The following ACAP3 variants were observed in gnomAD, a reference collection of about 807,000 sequenced individuals.
ACAP3 encodes arf-GAP with coiled-coil, ANK repeat and PH domain-containing protein 3.
A neutral mutation model predicts 104.1 loss-of-function variants in ACAP3; 56 were observed. The ratio of observed to expected loss-of-function variants is 0.54; its 90% CI spans 0.43 to 0.67. The LOEUF (loss-of-function observed/expected upper bound fraction) is 0.67, where lower values mean the gene tolerates loss of function less well. ACAP3 is among the 30% of genes least tolerant of loss of function. The probability of loss-of-function intolerance (pLI) is 0.00; values close to 1 mark genes in which losing one functional copy is unlikely to be tolerated. For synonymous variants in ACAP3, 628 were observed against 496.2 expected (o/e 1.27, Z -3.53); for missense variants, 1,208 against 1,174.9 (o/e 1.03, Z -0.41).
chr1:1,307,502 G>C (rs938198954), intron 1 of ACAP3: 3 of 1,223,382 alleles, frequency 2.5e-6, no homozygotes, highest in Non-Finnish European at 3.2e-6. Context: ...TGCAGACACA[G>C]AGCGGGGGCG....
In ACAP3 at chr1:1,307,798, C is replaced by T. The variant is rs1033365088; in HGVS notation, c.18G>A (p.Glu6=). 4 of 1,079,986 alleles carry T rather than the reference C, an allele frequency of 3.7e-6. No homozygotes were observed. The highest frequency in any genetic ancestry group is 4.5e-6 in the Non-Finnish European group (4 of 891,022). The allele number at this position is 1,079,986 out of a possible 1,614,324, so 66.9% of individuals were successfully genotyped here. ...AGCGCGGGGAGTCCTTGACGCACTC[C>T]TCGAACTCCACGGTCATGGCTGCGG... MTVEF[E]ECVKDSPRFR... Residue 6 remains glutamate, a synonymous_variant, in exon 1 of 24, where the codon GAG becomes GAA. Coordinates refer to ENST00000354700, the MANE Select transcript of ACAP3 (RefSeq NM_030649.3).
intron 22 of ACAP3, 43 bp downstream of exon 22, chr1:1,294,047 G>A (rs1180445494): frequency 6.6e-7 from 1 of 1,514,830 alleles, no homozygotes; most frequent in Non-Finnish European, 8.8e-7. Flanking sequence ...GCCGGGGTAG[G>A]CGTGGTCGGG....
intron 23 of ACAP3, 29 bp from the exon 24 acceptor site, chr1:1,293,737 C>CTGCCCTGGAGGCCCCGCCCA: frequency 6.9e-7 from 1 of 1,449,442 alleles, no homozygotes; most frequent in Non-Finnish European, 9.0e-7. Flanking sequence ...TGAGACGCCC[C>CTGCCCTGGAGGCCCCGCCCA]TGCCCTGGAG....
intron 17 of ACAP3, 22 bp from the exon 18 acceptor site, chr1:1,295,960 G>A: frequency 6.2e-7 from 1 of 1,612,642 alleles, no homozygotes; most frequent in African/African-American, 1.3e-5. Flanking sequence ...GGGAACATGA[G>A]GCTGTGCCCC....
rs766922639 is a variant in ACAP3 at position 1,293,842 on chromosome 1, T to G, written c.2341A>C (p.Asn781His). 3.3e-6 allele frequency: 5 copies of G among 1,512,932 alleles called. No individual in the cohort carries two copies. Among genetic ancestry groups the G allele is most frequent in the Non-Finnish European group, 4.4e-6 (5 of 1,132,750 alleles). The allele number at this position is 1,512,932 out of a possible 1,614,324, so 93.7% of individuals were successfully genotyped here. A position where few individuals can be genotyped will look rare whatever the true frequency, so the allele number is the denominator to read the frequency against. Reference sequence around the variant, plus strand: ...GCTCACAGTGTCACGATGTCAGCGTTGGCCGCCTGCACTGCGATGGCCAAC... The same window carrying G: ...GCTCACAGTGTCACGATGTCAGCGTGGGCCGCCTGCACTGCGATGGCCAAC... ...DPLAIAVQAA[N>H]ADIVTLLRLA... The change falls in exon 23 of 24, where the codon AAC (asparagine) becomes CAC (histidine). Residue 781 changes from asparagine (N) to histidine (H), a missense_variant. Asn to His is a moderately conservative substitution (Grantham distance 68, BLOSUM62 1). Transcript: ENST00000354700.
intron 1 of ACAP3, chr1:1,305,563 C>T (rs1641655083): frequency 1.3e-5 from 2 of 152,354 alleles, no homozygotes; most frequent in African/African-American, 4.8e-5. Flanking sequence ...CACGGACGTG[C>T]TCATGGGGAC....
chr1:1,294,852 G>A (rs1177750886), intron 19 of ACAP3, 36 bp from the exon 20 acceptor site: 5 of 1,545,370 alleles, frequency 3.2e-6, no homozygotes, highest in African/African-American at 1.4e-5. Context: ...CTGAGGGTGG[G>A]AGGCCCAGAC....
At position 1,303,988 on chromosome 1, in the gene ACAP3, G is replaced by C; in HGVS notation, c.105+98C>G. 1 of 1,401,250 alleles carries C rather than the reference G, an allele frequency of 7.1e-7. No individual in the cohort carries two copies. Among genetic ancestry groups the C allele is most frequent in the Non-Finnish European group, 9.8e-7 (1 of 1,019,530 alleles). 86.8% of individuals were successfully genotyped at this position (1,401,250 alleles called of 1,614,324 possible). The stretch of plus-strand genomic sequence containing the variant: ...GCACCACACGCATGCTCCACATATG[G>C]GGGGTGTAAGTGGCTTAGTAAGGCC... On this transcript the variant is annotated intron_variant, in intron 2 of 23. Transcript: ENST00000354700. This position sits in a 1 kb window ranked among gnomAD's most constrained non-coding sequence, Gnocchi z 4.0.
At chr1:1,294,028 C>A in intron 22 of ACAP3, 62 bp downstream of exon 22, 2 of 1,485,814 alleles carry the variant, frequency 1.3e-6, no homozygotes, top group Non-Finnish European at 1.8e-6. Flanking sequence ...GCGGACAGGG[C>A]GTAGCCGGGC....
At chr1:1,300,414 C>G in intron 6 of ACAP3, 95 bp downstream of exon 6, 1 of 1,380,050 alleles carries the variant, frequency 7.2e-7, no homozygotes, top group Non-Finnish European at 9.9e-7. Flanking sequence ...AGAATCGTCA[C>G]TCCTGCTCAA....
Position 1,300,150 on chromosome 1 carries a change from G to A in ACAP3, c.567+8C>T, listed in dbSNP as rs1472903314. 11 of 1,609,846 alleles carry A rather than the reference G, an allele frequency of 6.8e-6. No homozygotes were observed. Among genetic ancestry groups the A allele is most frequent in the African/African-American group, 4.0e-5 (3 of 74,872 alleles). The stretch of plus-strand genomic sequence containing the variant: ...GCCTGTGCTCAGGGGCAGCCCCCAC[G>A]CACTCACAGAGTCCAGGATCTCAAA... On this transcript the variant is annotated splice_region_variant and intron_variant, in intron 7 of 23. Coordinates refer to ENST00000354700, the MANE Select transcript of ACAP3 (RefSeq NM_030649.3).
At chr1:1,306,523 C>T (rs3737719) in intron 1 of ACAP3, among the ~76,000 whole-genome samples, 1 of 152,002 alleles carries the variant, frequency 6.6e-6, no homozygotes, top group Admixed American at 6.5e-5. Flanking sequence ...CCAGGGCTGG[C>T]GGCCACTCTC....
intron 1 of ACAP3, chr1:1,307,496 GAC>G (rs1641789073): frequency 4.0e-6 from 5 of 1,240,014 alleles, no homozygotes; most frequent in Admixed American, 5.1e-5. Flanking sequence ...TGGAGGTGCA[GAC>G]ACAGAGCGGG....
chr1:1,303,581 T>G lies in ACAP3; in HGVS notation c.106-300A>C. 1 of 511,018 alleles carries G rather than the reference T, an allele frequency of 2.0e-6. No individual in the cohort carries two copies. The highest frequency in any genetic ancestry group is 3.5e-6 in the Non-Finnish European group (1 of 284,686). 31.7% of individuals were successfully genotyped at this position (511,018 alleles called of 1,614,324 possible). A position where few individuals can be genotyped will look rare whatever the true frequency, so the allele number is the denominator to read the frequency against. On this transcript the variant is annotated intron_variant, in intron 2 of 23. Coordinates refer to ENST00000354700, the MANE Select transcript of ACAP3 (RefSeq NM_030649.3). This position sits in a 1 kb window ranked among gnomAD's most constrained non-coding sequence, Gnocchi z 4.0. ...CCCATGTGGGGCTCATGGATAAGGC[T>G]GCCCACTCCCAGCTCCACGGCCTGT...
intron 18 of ACAP3, 42 bp from the exon 19 acceptor site, chr1:1,295,596 G>C: frequency 6.3e-7 from 1 of 1,595,544 alleles, no homozygotes. Context: ...ACAGGCCCGG[G>C]GTGGGGCAGG....
Position 1,295,934 on chromosome 1 carries a change from C to A in ACAP3, c.1507G>T (p.Asp503Tyr). ...TTGTCCTTGATCCAGGCCTCCTTGT[C>A]CTGCCTGGACCAGGGGGGAACATGA... ...RKPTASSSRQ[D>Y]KEAWIKDKYV... Residue 503 changes from aspartate to tyrosine, a missense_variant, in exon 18 of 24, where the codon GAC (aspartate) becomes TAC (tyrosine). Transcript: ENST00000354700. The A allele has an allele frequency of 6.2e-7, 1 of 1,612,544 alleles. No homozygotes were observed. Among genetic ancestry groups the A allele is most frequent in the South Asian group, 1.1e-5 (1 of 91,086 alleles).
In ACAP3 at chr1:1,294,089, C is replaced by T; in HGVS notation, c.2249+1G>A. Reference sequence around the variant, plus strand: ...GGCGGGGCGTGGGTTGCGCGTCTCACCCGGTGCGGCCCAGCAGCGTGGCGT... The same window carrying T: ...GGCGGGGCGTGGGTTGCGCGTCTCATCCGGTGCGGCCCAGCAGCGTGGCGT... On this transcript the variant is annotated splice_donor_variant, in intron 22 of 23. Transcript: ENST00000354700. LOFTEE classifies it high-confidence loss of function. The T allele has an allele frequency of 6.4e-7, 1 of 1,566,054 alleles. No homozygotes were observed. Among genetic ancestry groups the T allele is most frequent in the South Asian group, 1.2e-5 (1 of 86,192 alleles).
rs371151980 is a variant in ACAP3, at chr1:1,300,587, G to A, written c.444C>T (p.His148=). The change falls in exon 6 of 24, where the codon CAC becomes CAT. Residue 148 remains histidine, a synonymous_variant. Transcript: ENST00000354700. ...RNAQAPRHRP[H]EVEEATGALT... ...GGGCCCCGGTGGCTTCCTCCACCTC[G>A]TGGGGCCGGTGCCTCGGGGCCTGGG... 9.9e-6 allele frequency: 16 copies of A among 1,610,846 alleles called. No individual in the cohort carries two copies. Among genetic ancestry groups the A allele is most frequent in the East Asian group, 2.2e-5 (1 of 44,756 alleles).
rs956178994 is a variant in ACAP3, at chr1:1,295,197, G to A, written c.1813+250C>T. ...CCTAGGCTGAGGGCCGGCTGGCAGC[G>A]CCCTCTGCTTCCCCAGCACCCCGGG... On this transcript the variant is annotated intron_variant, in intron 19 of 23. Transcript: ENST00000354700. 4.6e-5 allele frequency among the ~76,000 whole-genome samples: 7 copies of A among 152,080 alleles called. No individual in the cohort carries two copies. In the East Asian group the frequency reaches 5.8e-4, roughly 13 times the overall value.
Sources: allele counts gnomAD v4.1 joint callset (sites outside exome capture counted in the v4.1 genomes callset), GRCh38; gene constraint gnomAD v4.1.1; non-coding constraint Gnocchi (gnomAD v3.1); transcripts MANE v1.5; gene names NCBI Gene and HGNC (gene_info 2026-07-23, HGNC 2026-07-21).